Variants in ANKAR observed in about 807,000 individuals in gnomAD.
ANKAR encodes ankyrin and armadillo repeat-containing protein.
In ANKAR, 136 loss-of-function variants were observed where a neutral mutation model predicts 146.2. The ratio of observed to expected loss-of-function variants is 0.93; its 90% CI spans 0.81 to 1.07. The LOEUF (loss-of-function observed/expected upper bound fraction) is 1.07, where lower values mean the gene tolerates loss of function less well. Among genes scored for constraint, ANKAR ranks in the 50% least tolerant of loss-of-function variants. The pLI is 0.00. For synonymous variants in ANKAR, 500 were observed against 575.8 expected (o/e 0.87, Z 1.88); for missense variants, 1,567 against 1,679.9 (o/e 0.93, Z 1.18).
At chr2:189,685,781 G>A (rs1162014462) in intron 2 of ANKAR, among the ~76,000 whole-genome samples, 2 of 152,148 alleles carry the variant, frequency 1.3e-5, no homozygotes, top group African/African-American at 4.8e-5. Context: ...GTGCTGAACT[G>A]TGGATATCTT....
intron 1 of ANKAR, among the ~76,000 whole-genome samples, chr2:189,675,834 G>T (rs1244267936): frequency 6.6e-6 from 1 of 152,142 alleles, no homozygotes; most frequent in African/African-American, 2.4e-5. Flanking sequence ...GAATGGCTTG[G>T]TGCTTTCCTG....
chr2:189,683,039 C>T (rs183007062), intron 2 of ANKAR, among the ~76,000 whole-genome samples: 1 of 152,242 alleles, frequency 6.6e-6, no homozygotes, highest in Admixed American at 6.5e-5. Flanking sequence ...GATTAATGCC[C>T]TTATAAAAGA....
chr2:189,761,523 A>G (rs1223816672), downstream of ANKAR: 1 of 1,612,820 alleles, frequency 6.2e-7, no homozygotes, highest in South Asian at 1.1e-5. Flanking sequence ...TCAATTCCCA[A>G]TACTATTTTA....
chr2:189,761,799 T>A, downstream of ANKAR: 1 of 770,832 alleles, frequency 1.3e-6, no homozygotes, highest in Admixed American at 3.9e-5. Flanking sequence ...AACATGGGAA[T>A]ATAAATAATA....
At chr2:189,706,381 A>G (rs909169528) in intron 8 of ANKAR, among the ~76,000 whole-genome samples, 2 of 151,680 alleles carry the variant, frequency 1.3e-5, no homozygotes, top group Non-Finnish European at 2.9e-5. Flanking sequence ...GTGAGACTCC[A>G]TCTCAACAAC....
At position 189,728,537 on chromosome 2, in the gene ANKAR, A is replaced by C. The variant is rs2042100294; in HGVS notation, c.3031+117A>C. 3 of 1,470,196 alleles carry C rather than the reference A, an allele frequency of 2.0e-6. No individual in the cohort carries two copies. In the Admixed American group the frequency reaches 6.2e-5, roughly 30 times the overall value. The allele number at this position is 1,470,196 out of a possible 1,614,324, so 91.1% of individuals were successfully genotyped here. A position where few individuals can be genotyped will look rare whatever the true frequency, so the allele number is the denominator to read the frequency against. ...ACTGCAGCCTCAAACCCCTGGGCTC[A>C]AGTGATCCTCTTGCCTCAGCCTCCC... is the stretch of plus-strand genomic sequence containing the variant. On this transcript the variant is annotated intron_variant, in intron 14 of 22. Transcript: ENST00000684021.
intron 2 of ANKAR, among the ~76,000 whole-genome samples, chr2:189,679,932 C>A (rs141174958): frequency 6.6e-6 from 1 of 151,964 alleles, no homozygotes; most frequent in Non-Finnish European, 1.5e-5. Flanking sequence ...TATGTCCTTT[C>A]CTGGTTTGGA....
chr2:189,736,100 C>T (rs2042810965), intron 17 of ANKAR, among the ~76,000 whole-genome samples: 1 of 152,198 alleles, frequency 6.6e-6, no homozygotes, highest in Non-Finnish European at 1.5e-5. Flanking sequence ...TTTTAGCCTT[C>T]TGAACTGGGA....
At chr2:189,714,266 T>C (rs146477205) in intron 10 of ANKAR, among the ~76,000 whole-genome samples, 5,285 of 152,252 alleles carry the variant, frequency 0.035, 105 homozygotes, top group South Asian at 0.07. Context: ...ACAGACCTAA[T>C]AGACATCCAC....
intron 15 of ANKAR, among the ~76,000 whole-genome samples, chr2:189,729,459 A>T (rs1553528809): frequency 6.6e-6 from 1 of 152,082 alleles, no homozygotes; most frequent in Non-Finnish European, 1.5e-5. Context: ...TGATTCTCAC[A>T]TTTTTTTCTC....
intron 19 of ANKAR, among the ~76,000 whole-genome samples, chr2:189,739,530 G>T (rs1467248856): frequency 6.6e-6 from 1 of 151,036 alleles, no homozygotes; most frequent in Non-Finnish European, 1.5e-5. Flanking sequence ...GTAATTCTGT[G>T]ACTCTGAAAA....
At chr2:189,761,552 G>C, downstream of ANKAR, 1 of 1,610,638 alleles carries the variant, frequency 6.2e-7, no homozygotes, top group South Asian at 1.1e-5. Flanking sequence ...TAGTGTTCCA[G>C]GATGAAAATT....
In ANKAR at chr2:189,676,987, A is replaced by G. The variant is rs773682769; in HGVS notation, c.497A>G (p.Glu166Gly). Residue 166 changes from glutamate (E) to glycine (G), a missense_variant, in exon 2 of 23, where the codon GAA (glutamate) becomes GGA (glycine). Glu to Gly is a moderately conservative substitution (Grantham distance 98). Coordinates refer to ENST00000684021, the MANE Select transcript of ANKAR (RefSeq NM_001378068.1). ...TGGCATGGAATATATATGCCCAAAGAAAAACGAGCTAGATTCTCTGAATTG... is the reference window on the plus strand; with the variant it reads ...TGGCATGGAATATATATGCCCAAAGGAAAACGAGCTAGATTCTCTGAATTG... ...ALWHGIYMPK[E>G]KRARFSELWR... 2.5e-6 allele frequency: 4 copies of G among 1,613,756 alleles called. No homozygotes were observed. The highest frequency in any genetic ancestry group is 3.4e-6 in the Non-Finnish European group (4 of 1,179,996).
At chr2:189,706,855 C>A in intron 8 of ANKAR, 83 bp from the exon 9 acceptor site, 1 of 997,034 alleles carries the variant, frequency 1.0e-6, no homozygotes, top group Non-Finnish European at 1.5e-6. Flanking sequence ...GTCAGACTAC[C>A]TCCAATTGCA....
chr2:189,761,912 TATTAAGACAGCTA>T (rs2047122699), downstream of ANKAR, among the ~76,000 whole-genome samples: 1 of 152,204 alleles, frequency 6.6e-6, no homozygotes, highest in African/African-American at 2.4e-5. Context: ...AAAGACTTAC[TATTAAGACAGCTA>T]ATATAAAGTA....
rs56352098 is a variant in ANKAR, at chr2:189,738,475, TA to T, written c.3583-80del. On this transcript the variant is annotated intron_variant, in intron 18 of 22. Transcript: ENST00000684021. ...TCCCTTTAAGAAGTATCAAAAGAAT[TA>T]AAAAAAAAACATAAAAAATGACAAA... is the stretch of plus-strand genomic sequence containing the variant. The T allele has an allele frequency of 1.1e-3, 696 of 650,218 alleles. 5 individuals carry two copies. Among genetic ancestry groups the T allele is most frequent in the African/African-American group, 9.6e-3 (528 of 54,986 alleles). 40.3% of individuals were successfully genotyped at this position (650,218 alleles called of 1,614,324 possible). A position where few individuals can be genotyped will look rare whatever the true frequency, so the allele number is the denominator to read the frequency against.
chr2:189,744,483 G>T (rs879308625), intron 21 of ANKAR, among the ~76,000 whole-genome samples: 3 of 152,142 alleles, frequency 2.0e-5, no homozygotes, highest in Non-Finnish European at 2.9e-5. Flanking sequence ...CCCAGCTGAA[G>T]TGTCTCTTCT....
intron 10 of ANKAR, among the ~76,000 whole-genome samples, chr2:189,711,387 TAAA>T (rs965305412): frequency 1.3e-5 from 2 of 152,174 alleles, no homozygotes; most frequent in African/African-American, 4.8e-5. Flanking sequence ...CTCGAAAAAT[TAAA>T]AAATAATGTT....
chr2:189,697,298 C>A (rs1188495125), intron 7 of ANKAR, among the ~76,000 whole-genome samples: 1 of 151,328 alleles, frequency 6.6e-6, no homozygotes, highest in African/African-American at 2.4e-5. Flanking sequence ...CTCTGAGAGG[C>A]TGAAGCAGGA....
Sources: allele counts gnomAD v4.1 joint callset (sites outside exome capture counted in the v4.1 genomes callset), GRCh38; gene constraint gnomAD v4.1.1; transcripts MANE v1.5; gene names NCBI Gene and HGNC (gene_info 2026-07-23, HGNC 2026-07-21).